The following FSIP2 variants were observed in gnomAD, a reference collection of about 807,000 sequenced individuals.
The protein encoded by FSIP2 is fibrous sheath-interacting protein 2.
A neutral mutation model predicts 510.5 loss-of-function variants in FSIP2; 367 were observed. The observed-to-expected ratio is 0.72, with a 90% CI of 0.66 to 0.78. FSIP2 has a LOEUF of 0.78. FSIP2 is among the 30% of genes least tolerant of loss of function. The pLI is 0.00. For missense variants in FSIP2, 7,594 were observed against 7,901.7 expected, an observed-to-expected ratio of 0.96 and a Z score of 1.48; for synonymous variants, 2,601 against 2,732.2, an observed-to-expected ratio of 0.95 and a Z score of 1.50.
intron 1 of FSIP2, 72 bp from the exon 2 acceptor site, chr2:185,739,274 G>A (rs1691871473): frequency 2.1e-6 from 3 of 1,401,554 alleles, no homozygotes; most frequent in Non-Finnish European, 2.8e-6. Context: ...GGTTGCAATG[G>A]AAGTAGATTG....
At chr2:185,776,011 T>C (rs2105584376) in intron 13 of FSIP2, among the ~76,000 whole-genome samples, 1 of 152,322 alleles carries the variant, frequency 6.6e-6, no homozygotes, top group Non-Finnish European at 1.5e-5. Context: ...GGTTCATGCC[T>C]GTAAACCCAG....
At position 185,789,417 on chromosome 2, in the gene FSIP2, A is replaced by C. The variant is rs572472559; in HGVS notation, c.2281A>C (p.Asn761His). 6.5e-7 allele frequency: 1 copy of C among 1,534,946 alleles called. No homozygotes were observed. Among genetic ancestry groups the C allele is most frequent in the South Asian group, 1.2e-5 (1 of 84,044 alleles). The change falls in exon 16 of 23, where the codon AAT (asparagine) becomes CAT (histidine). Residue 761 changes from asparagine (N) to histidine (H), a missense_variant. Physicochemically the swap from Asn to His is moderately conservative, Grantham distance 68. Transcript: ENST00000424728. ...CTCAGTTGCTTCTGAGATTGTGGAA[A>C]ATATGCTTGAGAAGTTAGAGTCTGC... ...IPSVASEIVENMLEKLESAVE... is the reference protein window; with the variant it reads ...IPSVASEIVEHMLEKLESAVE...
In FSIP2 at chr2:185,789,969, C is replaced by T. The variant is rs1213407716; in HGVS notation, c.2833C>T (p.Leu945Phe). 4.6e-6 allele frequency: 7 copies of T among 1,534,114 alleles called. No homozygotes were observed. The highest frequency in any genetic ancestry group is 1.4e-5 in the African/African-American group (1 of 72,864). ...GCTACTTGAGGACATCCTTTTTCAG[C>T]TCCATCAGGAACCAGTAAATGAAAG... ...LQLLEDILFQ[L>F]HQEPVNESFQ... is the part of the protein sequence containing the mutation. The change falls in exon 16 of 23, where the codon CTC (leucine) becomes TTC (phenylalanine). Residue 945 changes from leucine (L) to phenylalanine (F), a missense_variant. Transcript: ENST00000424728.
chr2:185,766,311 A>G (rs1320568693), intron 13 of FSIP2: 1 of 151,052 alleles, frequency 6.6e-6, no homozygotes, highest in African/African-American at 2.4e-5. Context: ...GCCAAAATTG[A>G]CAAATGGGAT....
In FSIP2 at chr2:185,804,407, A is replaced by C; in HGVS notation, c.15101A>C (p.Asp5034Ala). Residue 5034 changes from aspartate to alanine, a missense_variant, in exon 17 of 23, where the codon GAT becomes GCT. Asp to Ala is a moderately radical substitution (Grantham distance 126). Transcript: ENST00000424728. ...AACTCAGTATATGGAAAAGTATTAG[A>C]TCAATATAAATCTCTGATTCAAATA... ...IVNSVYGKVL[D>A]QYKSLIQIHR... The C allele has an allele frequency of 6.6e-7, 1 of 1,506,624 alleles. No individual in the cohort carries two copies. The highest frequency in any genetic ancestry group is 1.2e-5 in the South Asian group (1 of 80,208). The allele number at this position is 1,506,624 out of a possible 1,614,324, so 93.3% of individuals were successfully genotyped here.
At position 185,793,943 on chromosome 2, in the gene FSIP2, A is replaced by G; in HGVS notation, c.6807A>G (p.Ile2269Met). ...TGGAATCTTTTGCCACAGAAAGAAT[A>G]GATTCATTAATTACCCTTGCTTTCC... ...KRLESFATER[I>M]DSLITLAFQS... The change falls in exon 16 of 23, where the codon ATA (isoleucine) becomes ATG (methionine). Residue 2269 changes from isoleucine to methionine, a missense_variant. By Grantham distance (10) the Ile-to-Met change is conservative (BLOSUM62 1). Transcript: ENST00000424728. The G allele has an allele frequency of 6.6e-7, 1 of 1,526,302 alleles. No homozygotes were observed. Among genetic ancestry groups the G allele is most frequent in the Non-Finnish European group, 8.8e-7 (1 of 1,142,588 alleles). The allele number at this position is 1,526,302 out of a possible 1,614,324, so 94.5% of individuals were successfully genotyped here. A position where few individuals can be genotyped will look rare whatever the true frequency, so the allele number is the denominator to read the frequency against.
Position 185,794,552 on chromosome 2 carries a change from T to C in FSIP2, c.7416T>C (p.Asn2472=). 4 of 1,530,766 alleles carry C rather than the reference T, an allele frequency of 2.6e-6. No individual in the cohort carries two copies. The highest frequency in any genetic ancestry group is 3.5e-6 in the Non-Finnish European group (4 of 1,144,678). 94.8% of individuals were successfully genotyped at this position (1,530,766 alleles called of 1,614,324 possible). The stretch of plus-strand genomic sequence containing the variant: ...TTTTGGAAGAAATATTTATGAGAAA[T>C]GGAGAATCAAAAAACAAAGAAAAAG... ...IIVLEEIFMR[N]GESKNKEKGE... is the part of the protein sequence containing the mutation. The change falls in exon 16 of 23, where the codon AAT becomes AAC. Residue 2472 remains asparagine (N), a synonymous_variant. Transcript: ENST00000424728.
rs1462872909 is a variant in FSIP2, at chr2:185,805,687, A to G, written c.16381A>G (p.Thr5461Ala). 12 of 1,610,666 alleles carry G rather than the reference A, an allele frequency of 7.5e-6. No homozygotes were observed. Among genetic ancestry groups the G allele is most frequent in the Non-Finnish European group, 1.0e-5 (12 of 1,178,498 alleles). The change falls in exon 17 of 23, where the codon ACT becomes GCT. Residue 5461 changes from threonine (T) to alanine (A), a missense_variant. Thr to Ala is a moderately conservative substitution (Grantham distance 58). Transcript: ENST00000424728. ...STPDCKNMMS[T>A]LEINRGTMNR... ...CCCAGATTGCAAAAACATGATGAGC[A>G]CTTTGGAAATAAATAGAGGTACAAT...
chr2:185,795,579 C>G lies in FSIP2; in HGVS notation c.8443C>G (p.Gln2815Glu). 1 of 1,535,040 alleles carries G rather than the reference C, an allele frequency of 6.5e-7. No individual in the cohort carries two copies. Among genetic ancestry groups the G allele is most frequent in the East Asian group, 2.4e-5 (1 of 40,850 alleles). ...NIGTGSLPKQ[Q>E]ACFYLENVSS... ...AGGCACAGGATCCCTTCCTAAACAACAAGCATGTTTTTACTTGGAGAATGT... is the reference window on the plus strand; with the variant it reads ...AGGCACAGGATCCCTTCCTAAACAAGAAGCATGTTTTTACTTGGAGAATGT... The change falls in exon 16 of 23, where the codon CAA becomes GAA. Residue 2815 changes from glutamine to glutamate, a missense_variant. Coordinates refer to ENST00000424728, the MANE Select transcript of FSIP2 (RefSeq NM_173651.4).
Position 185,800,409 on chromosome 2 carries a change from T to C in FSIP2, c.11103T>C (p.Asn3701=). 6.5e-7 allele frequency: 1 copy of C among 1,526,954 alleles called. No individual in the cohort carries two copies. The highest frequency in any genetic ancestry group is 8.7e-7 in the Non-Finnish European group (1 of 1,143,584). The allele number at this position is 1,526,954 out of a possible 1,614,324, so 94.6% of individuals were successfully genotyped here. Reference sequence around the variant, plus strand: ...AAGAAGTAGTCAATAAAGTTTTTAATATTGTTTCAGATTTATTTTCACCAG... The same window carrying C: ...AAGAAGTAGTCAATAAAGTTTTTAACATTGTTTCAGATTTATTTTCACCAG... ...ESKEVVNKVF[N]IVSDLFSPDE... The change falls in exon 17 of 23, where the codon AAT becomes AAC. Residue 3701 remains asparagine (N), a synonymous_variant. Coordinates refer to ENST00000424728, the MANE Select transcript of FSIP2 (RefSeq NM_173651.4).
Position 185,790,510 on chromosome 2 carries a change from C to G in FSIP2, c.3374C>G (p.Pro1125Arg). 1 of 1,534,176 alleles carries G rather than the reference C, an allele frequency of 6.5e-7. No homozygotes were observed. Among genetic ancestry groups the G allele is most frequent in the Non-Finnish European group, 8.7e-7 (1 of 1,145,626 alleles). ...KEMLKDISSV[P>R]FGHLDSKTGS... Reference sequence around the variant, plus strand: ...ATGCTCAAGGACATATCTTCCGTTCCTTTTGGTCACTTAGACAGCAAAACT... The same window carrying G: ...ATGCTCAAGGACATATCTTCCGTTCGTTTTGGTCACTTAGACAGCAAAACT... The change falls in exon 16 of 23, where the codon CCT becomes CGT. Residue 1125 changes from proline (P) to arginine (R), a missense_variant. Coordinates refer to ENST00000424728, the MANE Select transcript of FSIP2 (RefSeq NM_173651.4).
intron 17 of FSIP2, among the ~76,000 whole-genome samples, chr2:185,813,147 CTTT>C (rs1693769193): frequency 6.6e-6 from 1 of 151,866 alleles, no homozygotes; most frequent in Non-Finnish European, 1.5e-5. Context: ...ATATGTTGCC[CTTT>C]TTTCTTGAAA....
chr2:185,818,875 G>A (rs1693868025), intron 19 of FSIP2, among the ~76,000 whole-genome samples: 1 of 151,726 alleles, frequency 6.6e-6, no homozygotes, highest in Non-Finnish European at 1.5e-5. Flanking sequence ...GTAACTCAGA[G>A]CCATATGAAA....
Position 185,793,617 on chromosome 2 carries a change from A to C in FSIP2, c.6481A>C (p.Asn2161His). Residue 2161 changes from asparagine to histidine, a missense_variant, in exon 16 of 23, where the codon AAT becomes CAT. By Grantham distance (68) the Asn-to-His change is moderately conservative. Transcript: ENST00000424728. ...DVILISNDIV[N>H]IVLHNLSSAA... The stretch of plus-strand genomic sequence containing the variant: ...CATTTTGATATCCAATGATATAGTG[A>C]ATATTGTTCTTCATAATCTCAGTTC... The C allele has an allele frequency of 6.5e-7, 1 of 1,534,064 alleles. No individual in the cohort carries two copies. The highest frequency in any genetic ancestry group is 2.4e-5 in the East Asian group (1 of 40,830).
At chr2:185,746,222 T>C (rs775387271) in intron 5 of FSIP2, among the ~76,000 whole-genome samples, 8 of 152,134 alleles carry the variant, frequency 5.3e-5, no homozygotes, top group Non-Finnish European at 8.8e-5. Context: ...ATGAGAGATT[T>C]GTTCAAGGAC....
At chr2:185,748,997 G>T (rs757356727) in intron 7 of FSIP2, among the ~76,000 whole-genome samples, 2 of 151,882 alleles carry the variant, frequency 1.3e-5, no homozygotes, top group Admixed American at 1.3e-4. Flanking sequence ...AAAATTATTT[G>T]TATGGATCTA....
intron 9 of FSIP2, among the ~76,000 whole-genome samples, 174 bp from the exon 10 acceptor site, chr2:185,760,814 T>C (rs999600626): frequency 6.6e-6 from 1 of 150,584 alleles, no homozygotes; most frequent in Non-Finnish European, 1.5e-5. Flanking sequence ...ATTAGAAAAC[T>C]TCTAGGGATA....
Position 185,815,409 on chromosome 2 carries a change from C to A in FSIP2, c.20364C>A (p.Tyr6788Ter), listed in dbSNP as rs576509747. 3.3e-6 allele frequency: 5 copies of A among 1,538,176 alleles called. No homozygotes were observed. In the Admixed American group the frequency reaches 5.5e-5, roughly 17 times the overall value. ...ATCTTGTTACTGAACCAACACATTA[C>A]TTCATACACAGAATTATGAGTTCAT... The part of the protein sequence containing the change: ...EKNLVTEPTH[Y>*]FIHRIMSSSS... Residue 6788 changes from tyrosine to a stop codon, truncating the protein, a stop_gained, in exon 19 of 23, where the codon TAC becomes TAA. Coordinates refer to ENST00000424728, the MANE Select transcript of FSIP2 (RefSeq NM_173651.4). LOFTEE classifies it high-confidence loss of function.
intron 7 of FSIP2, among the ~76,000 whole-genome samples, chr2:185,750,750 T>C (rs1184555428): frequency 2.0e-5 from 3 of 151,336 alleles, no homozygotes; most frequent in Non-Finnish European, 1.5e-5. Context: ...AACACTGGTC[T>C]ATCAAGAGTC....
Sources: gnomAD v4.1 joint callset for allele counts (sites outside exome capture counted in the v4.1 genomes callset) on GRCh38, gnomAD v4.1.1 for gene constraint, MANE v1.5 for transcripts, NCBI Gene and HGNC (gene_info 2026-07-23, HGNC 2026-07-21) for gene names.